The following FAM13A variants were observed in gnomAD, a reference collection of about 807,000 sequenced individuals.
FAM13A encodes the protein protein FAM13A.
A neutral mutation model predicts 129.6 loss-of-function variants in FAM13A; 76 were observed. That is an observed-to-expected ratio of 0.59 (90% CI 0.49 to 0.71). The LOEUF is 0.71. Ranked by LOEUF, FAM13A falls within the 30% of genes least tolerant of loss-of-function variation. The pLI is 0.00. For missense variants in FAM13A, 1,108 were observed against 1,249.3 expected, an observed-to-expected ratio of 0.89 and a Z score of 1.70; for synonymous variants, 443 against 449.9, an observed-to-expected ratio of 0.98 and a Z score of 0.20.
rs539923776 is a variant in FAM13A, at chr4:88,844,459, T to C, written c.1007+6561A>G. 8.4e-4 allele frequency among the ~76,000 whole-genome samples: 128 copies of C among 152,326 alleles called. 1 individual carries two copies. The highest frequency in any genetic ancestry group is 2.9e-3 in the African/African-American group (119 of 41,582). On this transcript the variant is annotated intron_variant, in intron 7 of 23. Transcript: ENST00000264344. ...CATTTTGCAGATCTGACATTATTAT[T>C]ACAGGGCTGCCTGACAGAAGTGTGA...
At chr4:89,042,458 T>C (rs1770274751) in intron 1 of FAM13A, among the ~76,000 whole-genome samples, 1 of 152,210 alleles carries the variant, frequency 6.6e-6, no homozygotes, top group African/African-American at 2.4e-5. Context: ...AAATCTAGTA[T>C]ATTAATTTGA....
intron 6 of FAM13A, among the ~76,000 whole-genome samples, chr4:88,869,433 G>C (rs1740984031): frequency 6.6e-6 from 1 of 152,148 alleles, no homozygotes; most frequent in African/African-American, 2.4e-5. Flanking sequence ...CCTCCCTTCA[G>C]TTATCCAGCC....
At chr4:88,997,982 G>A (rs777038190) in intron 3 of FAM13A, among the ~76,000 whole-genome samples, 10 of 152,094 alleles carry the variant, frequency 6.6e-5, no homozygotes, top group Admixed American at 2.0e-4. Flanking sequence ...TCGACAACAC[G>A]GGCAGCCTCT....
intron 6 of FAM13A, among the ~76,000 whole-genome samples, chr4:88,905,994 A>G (rs980097416): frequency 3.3e-5 from 5 of 152,230 alleles, no homozygotes; most frequent in Non-Finnish European, 5.9e-5. Context: ...GGAGAGCATC[A>G]AGAAACATGC....
At position 88,922,260 on chromosome 4, in the gene FAM13A, A is replaced by G. The variant is rs374745553; in HGVS notation, c.760-15798T>C. ...CAGCAGAATATACATTTTTTTCAGCACCACACCACACCTATTCCAAAATTG... is the reference window on the plus strand; with the variant it reads ...CAGCAGAATATACATTTTTTTCAGCGCCACACCACACCTATTCCAAAATTG... On this transcript the variant is annotated intron_variant, in intron 5 of 23. Coordinates refer to ENST00000264344, the MANE Select transcript of FAM13A (RefSeq NM_014883.4). Among the ~76,000 whole-genome samples, 4 of 152,150 alleles carry G rather than the reference A, an allele frequency of 2.6e-5. No homozygotes were observed. In the East Asian group the frequency reaches 7.7e-4, roughly 29 times the overall value.
chr4:88,783,530 C>T (rs148474726), intron 10 of FAM13A, among the ~76,000 whole-genome samples: 6 of 152,236 alleles, frequency 3.9e-5, no homozygotes, highest in African/African-American at 1.2e-4. Flanking sequence ...AACTCCTGCC[C>T]GCCTTGGCCT....
chr4:88,989,832 C>G (rs748338307), intron 4 of FAM13A: 1 of 152,160 alleles, frequency 6.6e-6, no homozygotes, highest in African/African-American at 2.4e-5. Flanking sequence ...ATTCTATTTA[C>G]AAATTCATTT....
At chr4:88,846,788 TAAG>T (rs1736717639) in intron 7 of FAM13A, among the ~76,000 whole-genome samples, 1 of 152,240 alleles carries the variant, frequency 6.6e-6, no homozygotes, top group Non-Finnish European at 1.5e-5. Context: ...AATAAATTGT[TAAG>T]TAGAAGATTT....
intron 4 of FAM13A, among the ~76,000 whole-genome samples, chr4:88,986,461 T>A (rs1312997537): frequency 6.6e-6 from 1 of 152,180 alleles, no homozygotes; most frequent in Non-Finnish European, 1.5e-5. Flanking sequence ...CACGTAAGTG[T>A]TATAAAAATT....
chr4:88,899,501 GTAAA>G (rs143609602), intron 6 of FAM13A, among the ~76,000 whole-genome samples: 4 of 151,838 alleles, frequency 2.6e-5, no homozygotes, highest in East Asian at 1.9e-4. Context: ...AAGTAAGTAA[GTAAA>G]TAAATAAATA....
Position 88,767,973 on chromosome 4 carries a change from C to T in FAM13A, c.1535+10G>A. 1.3e-6 allele frequency: 2 copies of T among 1,553,006 alleles called. No homozygotes were observed. The highest frequency in any genetic ancestry group is 1.8e-6 in the Non-Finnish European group (2 of 1,124,818). On this transcript the variant is annotated intron_variant, in intron 12 of 23. Transcript: ENST00000264344. ...TTGGAAAGAATATTAGGAGACAATT[C>T]TAAAATTACCTTTCATCAGACATCC...
At chr4:89,011,097 C>T (rs897186457) in intron 3 of FAM13A, among the ~76,000 whole-genome samples, 2 of 152,166 alleles carry the variant, frequency 1.3e-5, no homozygotes, top group Non-Finnish European at 1.5e-5. Context: ...ATCCTCCCAT[C>T]TCGGCCTCCC....
chr4:88,802,466 G>A (rs1439941354), intron 8 of FAM13A, among the ~76,000 whole-genome samples: 1 of 151,792 alleles, frequency 6.6e-6, no homozygotes, highest in East Asian at 1.9e-4. Flanking sequence ...TATCACAGAA[G>A]ATATTTGATT....
chr4:88,892,444 G>A (rs1745516122), intron 6 of FAM13A, among the ~76,000 whole-genome samples: 1 of 152,116 alleles, frequency 6.6e-6, no homozygotes, highest in Non-Finnish European at 1.5e-5. Context: ...CTCCCAAAGT[G>A]CTGGGATTAC....
rs548987833 is a variant in FAM13A at position 88,939,592 on chromosome 4, C to T, written c.606-1351G>A. 2.6e-5 allele frequency among the ~76,000 whole-genome samples: 4 copies of T among 152,278 alleles called. No individual in the cohort carries two copies. In the South Asian group the frequency reaches 8.3e-4, roughly 32 times the overall value. On this transcript the variant is annotated intron_variant, in intron 4 of 23. Transcript: ENST00000264344. ...TAACCTACTAGACTATCTTGGGATA[C>T]GCACCCTAAGGTCTCCTACACTTGG...
intron 3 of FAM13A, among the ~76,000 whole-genome samples, chr4:88,998,119 G>A (rs1763797665): frequency 6.6e-6 from 1 of 152,164 alleles, no homozygotes; most frequent in South Asian, 2.1e-4. Context: ...AGTCATACAG[G>A]AGCCTAGACT....
At chr4:88,998,025 T>G (rs1454870825) in intron 3 of FAM13A, among the ~76,000 whole-genome samples, 2 of 152,168 alleles carry the variant, frequency 1.3e-5, no homozygotes, top group Non-Finnish European at 2.9e-5. Context: ...AAATAGAGAC[T>G]TCAGCCTTAC....
At chr4:88,992,370 G>A (rs550970014) in intron 3 of FAM13A, among the ~76,000 whole-genome samples, 3 of 151,544 alleles carry the variant, frequency 2.0e-5, no homozygotes, top group Admixed American at 6.6e-5. Context: ...GGGTTCAAGC[G>A]ATTCTCCTGT....
chr4:89,027,079 T>C (rs1187463900), intron 2 of FAM13A, among the ~76,000 whole-genome samples: 1 of 152,230 alleles, frequency 6.6e-6, no homozygotes, highest in East Asian at 1.9e-4. Flanking sequence ...GTTCCAAGAC[T>C]GCCAGTGGAT....
Sources: gnomAD v4.1 joint callset for allele counts (sites outside exome capture counted in the v4.1 genomes callset) on GRCh38, gnomAD v4.1.1 for gene constraint, MANE v1.5 for transcripts, NCBI Gene and HGNC (gene_info 2026-07-23, HGNC 2026-07-21) for gene names.